KIF11: variants seen among roughly 807,000 people sequenced by gnomAD.
KIF11 encodes the protein kinesin-like protein KIF11.
KIF11 carries 9 observed loss-of-function variants against 121.0 expected under a neutral mutation model. That is an observed-to-expected ratio of 0.07 (90% CI 0.04 to 0.13). KIF11 has a LOEUF of 0.13. KIF11 is among the 10% of genes least tolerant of loss of function. The pLI, the probability that KIF11 is intolerant of heterozygous loss-of-function variation, is 1.00. For missense variants in KIF11, 846 were observed against 1,217.5 expected, an observed-to-expected ratio of 0.69 and a Z score of 4.54; for synonymous variants, 408 against 421.0, an observed-to-expected ratio of 0.97 and a Z score of 0.38.
intron 17 of KIF11, 74 bp from the exon 18 acceptor site, chr10:92,645,289 A>G: frequency 9.2e-7 from 1 of 1,086,038 alleles, no homozygotes; most frequent in South Asian, 1.6e-5. Flanking sequence ...TTAAGAGCTG[A>G]GTGATCTTGG....
At chr10:92,626,017 G>A (rs749723463) in intron 10 of KIF11, among the ~76,000 whole-genome samples, 1 of 152,190 alleles carries the variant, frequency 6.6e-6, no homozygotes, top group Non-Finnish European at 1.5e-5. Context: ...GCTATTTACA[G>A]ATTAAATGCT....
At chr10:92,606,228 A>C in intron 1 of KIF11, 37 bp from the exon 2 acceptor site, 1 of 1,534,818 alleles carries the variant, frequency 6.5e-7, no homozygotes, top group Non-Finnish European at 8.7e-7. Context: ...CTGAGAACTA[A>C]GAGCTCTTGA....
chr10:92,596,981 G>T, intron 1 of KIF11: 1 of 380,610 alleles, frequency 2.6e-6, no homozygotes, highest in Non-Finnish European at 5.3e-6. Context: ...CCAGGCTGTA[G>T]ATACCAATGC....
intron 8 of KIF11, among the ~76,000 whole-genome samples, chr10:92,614,151 C>T (rs182018065): frequency 1.6e-3 from 232 of 149,384 alleles, no homozygotes; most frequent in Non-Finnish European, 2.9e-3. Context: ...GACTGGAGTG[C>T]GATGACGCGA....
Position 92,610,746 on chromosome 10 carries a change from A to G in KIF11, c.698+1237A>G, listed in dbSNP as rs552732318. Among the ~76,000 whole-genome samples the G allele has an allele frequency of 7.2e-5, 11 of 152,316 alleles. No individual in the cohort carries two copies. In the South Asian group the frequency reaches 2.3e-3, roughly 32 times the overall value. ...TTATTTCTTTTCTGGCTTGTAGTTGAAAATTTCTATAAAATGCCATAACAA... is the reference window on the plus strand; with the variant it reads ...TTATTTCTTTTCTGGCTTGTAGTTGGAAATTTCTATAAAATGCCATAACAA... On this transcript the variant is annotated intron_variant, in intron 6 of 21. Coordinates refer to ENST00000260731, the MANE Select transcript of KIF11 (RefSeq NM_004523.4).
intron 12 of KIF11, among the ~76,000 whole-genome samples, chr10:92,630,594 G>A (rs896953192): frequency 6.6e-6 from 1 of 152,204 alleles, no homozygotes; most frequent in African/African-American, 2.4e-5. Flanking sequence ...TTAGCTGGGA[G>A]TGGTGGCTCA....
intron 16 of KIF11, among the ~76,000 whole-genome samples, chr10:92,639,296 A>T (rs150026151): frequency 1.3e-3 from 195 of 152,326 alleles, no homozygotes; most frequent in African/African-American, 4.4e-3. Context: ...TTTACTTTTT[A>T]AAAAATCCTG....
intron 16 of KIF11, among the ~76,000 whole-genome samples, chr10:92,638,266 T>C (rs1365851299): frequency 6.6e-6 from 1 of 152,208 alleles, no homozygotes; most frequent in South Asian, 2.1e-4. Flanking sequence ...AATATAGATA[T>C]AAATTCTATT....
chr10:92,628,721 T>G, intron 10 of KIF11, 87 bp from the exon 11 acceptor site: 1 of 656,002 alleles, frequency 1.5e-6, no homozygotes, highest in East Asian at 3.0e-5. Context: ...AATGAGTTTG[T>G]GTAGCTGTCA....
Position 92,621,490 on chromosome 10 carries a change from G to A in KIF11, c.1217+17G>A, listed in dbSNP as rs777833196. 1.4e-6 allele frequency: 2 copies of A among 1,471,208 alleles called. No homozygotes were observed. Among genetic ancestry groups the A allele is most frequent in the East Asian group, 2.3e-5 (1 of 44,226 alleles). 91.1% of individuals were successfully genotyped at this position (1,471,208 alleles called of 1,614,324 possible). ...AAATTTTAGGTAAGCCCTTGGCTAT[G>A]GAGTTAATTTCCAAGAATAAGCATT... On this transcript the variant is annotated intron_variant, in intron 10 of 21. Transcript: ENST00000260731.
chr10:92,609,009 T>G lies in KIF11; in HGVS notation c.388-11T>G, dbSNP rs776971648. Reference sequence around the variant, plus strand: ...ATTCTTCCTTTATATTAGTCCTTATTATAATTTCAGGATCCCTTGGCTGGT... The same window carrying G: ...ATTCTTCCTTTATATTAGTCCTTATGATAATTTCAGGATCCCTTGGCTGGT... On this transcript the variant is annotated splice_polypyrimidine_tract_variant and intron_variant, in intron 4 of 21. Coordinates refer to ENST00000260731, the MANE Select transcript of KIF11 (RefSeq NM_004523.4). 21 of 1,477,588 alleles carry G rather than the reference T, an allele frequency of 1.4e-5. 1 individual carries two copies. Among genetic ancestry groups the G allele is most frequent in the Admixed American group, 1.1e-4 (5 of 47,352 alleles). 91.5% of individuals were successfully genotyped at this position (1,477,588 alleles called of 1,614,324 possible). A position where few individuals can be genotyped will look rare whatever the true frequency, so the allele number is the denominator to read the frequency against.
intron 17 of KIF11, among the ~76,000 whole-genome samples, chr10:92,640,511 A>G (rs1844853571): frequency 6.6e-6 from 1 of 152,200 alleles, no homozygotes; most frequent in South Asian, 2.1e-4. Flanking sequence ...AGCTCACTGC[A>G]AGCTCCGCCT....
In KIF11 at chr10:92,613,073, T is replaced by C. The variant is rs916476703; in HGVS notation, c.732T>C (p.His244=). The change falls in exon 7 of 22, where the codon CAT becomes CAC. Residue 244 remains histidine (H), a synonymous_variant. Coordinates refer to ENST00000260731, the MANE Select transcript of KIF11 (RefSeq NM_004523.4). The surrounding 1 kb of genome is among the most constrained non-coding windows in gnomAD (Gnocchi z 4.2). ...ACTCAGTTTTCTCTGTTACAATACA[T>C]ATGAAAGAAACTACGATTGATGGAG... ...RSHSVFSVTI[H]MKETTIDGEE... is the part of the protein sequence containing the mutation. 3.9e-5 allele frequency: 63 copies of C among 1,611,430 alleles called. No individual in the cohort carries two copies. Among genetic ancestry groups the C allele is most frequent in the East Asian group, 1.3e-4 (6 of 44,830 alleles).
At position 92,654,253 on chromosome 10, in the gene KIF11, C is replaced by A. The variant is rs17875346; in HGVS notation, c.*457C>A. 5,150 of 152,640 alleles carry A rather than the reference C, an allele frequency of 0.034. 138 individuals carry two copies. Among genetic ancestry groups the A allele is most frequent in the Admixed American group, 0.061 (929 of 15,352 alleles). 9.5% of individuals were successfully genotyped at this position (152,640 alleles called of 1,614,324 possible). A position where few individuals can be genotyped will look rare whatever the true frequency, so the allele number is the denominator to read the frequency against. ...TGATATCTACCCATTTTTCTGTCATCCCTATAGTTCACTTTGTATTAAATT... is the reference window on the plus strand; with the variant it reads ...TGATATCTACCCATTTTTCTGTCATACCTATAGTTCACTTTGTATTAAATT... On this transcript the variant is annotated 3_prime_UTR_variant, in exon 22 of 22. Transcript: ENST00000260731.
At chr10:92,643,579 G>T (rs1844889333) in intron 17 of KIF11, among the ~76,000 whole-genome samples, 3 of 127,232 alleles carry the variant, frequency 2.4e-5, no homozygotes, top group East Asian at 2.2e-4. Flanking sequence ...TTTTTTGAGA[G>T]GGAGTCTTGG....
chr10:92,634,045 G>A (rs973076392), intron 14 of KIF11, among the ~76,000 whole-genome samples: 1 of 152,036 alleles, frequency 6.6e-6, no homozygotes, highest in East Asian at 1.9e-4. Context: ...GTGCAGTGGC[G>A]TGATCTCGGC....
intron 14 of KIF11, 30 bp from the exon 15 acceptor site, chr10:92,637,154 A>G (rs1844812256): frequency 6.5e-7 from 1 of 1,531,712 alleles, no homozygotes; most frequent in Non-Finnish European, 8.8e-7. Context: ...TATTCTTTTT[A>G]AAGACCTATT....
intron 9 of KIF11, among the ~76,000 whole-genome samples, chr10:92,618,659 A>AAAAG (rs1844586832): frequency 2.0e-5 from 3 of 147,632 alleles, no homozygotes; most frequent in African/African-American, 7.7e-5. Flanking sequence ...AAAAAAAAAG[A>AAAAG]AAAAAAGTAA....
At chr10:92,624,358 G>C (rs546993216) in intron 10 of KIF11, among the ~76,000 whole-genome samples, 3 of 150,662 alleles carry the variant, frequency 2.0e-5, no homozygotes, top group African/African-American at 7.3e-5. Context: ...AGCTGCCCGA[G>C]TAGCTGGGAT....
Sources: gnomAD v4.1 joint callset for allele counts (sites outside exome capture counted in the v4.1 genomes callset) on GRCh38, gnomAD v4.1.1 for gene constraint, Gnocchi (gnomAD v3.1) non-coding constraint, MANE v1.5 for transcripts, NCBI Gene and HGNC (gene_info 2026-07-23, HGNC 2026-07-21) for gene names.